Variants in FIG4 observed in about 807,000 individuals in gnomAD.
FIG4 encodes the protein FIG4 phosphoinositide 5-phosphatase.
Under a neutral mutation model 118.6 loss-of-function variants are expected in FIG4, and 112 were observed. The observed-to-expected ratio is 0.94, with a 90% CI of 0.81 to 1.11. FIG4 has a LOEUF of 1.11. Among genes scored for constraint, FIG4 ranks in the 50% least tolerant of loss-of-function variants. The pLI is 0.00. For missense variants in FIG4, 969 were observed against 1,111.7 expected, an observed-to-expected ratio of 0.87 and a Z score of 1.83; for synonymous variants, 369 against 381.2, an observed-to-expected ratio of 0.97 and a Z score of 0.37.
chr6:109,807,665 G>A (rs1778603838), intron 22 of FIG4, among the ~76,000 whole-genome samples: 1 of 152,104 alleles, frequency 6.6e-6, no homozygotes, highest in African/African-American at 2.4e-5. Flanking sequence ...TAGTGTTTTA[G>A]TCCTGAAGTG....
Position 109,825,104 on chromosome 6 carries a change from T to G in FIG4, c.2563T>G (p.Phe855Val). 1 of 1,613,990 alleles carries G rather than the reference T, an allele frequency of 6.2e-7. No homozygotes were observed. Among genetic ancestry groups the G allele is most frequent in the East Asian group, 2.2e-5 (1 of 44,874 alleles). The change falls in exon 23 of 23, where the codon TTC becomes GTC. Residue 855 changes from phenylalanine (F) to valine (V), a missense_variant. Around this residue, in one of 3 missense-constraint regions of FIG4, gnomAD observed 330 missense variants for 348.1 expected, o/e 0.95. Transcript: ENST00000230124. ...GVIKLTPISA[F>V]SQDNIYEVQP... Reference sequence around the variant, plus strand: ...CTTTTATAGAACACCCATCTCGGCTTTCTCGCAAGATAACATCTATGAAGT... The same window carrying G: ...CTTTTATAGAACACCCATCTCGGCTGTCTCGCAAGATAACATCTATGAAGT...
chr6:109,741,394 G>T, intron 7 of FIG4, 50 bp from the exon 8 acceptor site: 1 of 1,117,936 alleles, frequency 8.9e-7, no homozygotes, highest in Non-Finnish European at 1.4e-6. Flanking sequence ...GACTCTCTTG[G>T]TCTTATGTGA....
At chr6:109,815,495 G>GC (rs112617514) in intron 22 of FIG4, among the ~76,000 whole-genome samples, 7,738 of 89,068 alleles carry the variant, frequency 0.087, 705 homozygotes, top group East Asian at 0.28. Context: ...ACTCCAGGCT[G>GC]CCCCCCCCAC....
intron 22 of FIG4, among the ~76,000 whole-genome samples, chr6:109,797,658 A>G (rs1778323478): frequency 6.6e-6 from 1 of 152,006 alleles, no homozygotes; most frequent in Non-Finnish European, 1.5e-5. Context: ...CACTTTGAGA[A>G]GTTGAGATGG....
intron 5 of FIG4, among the ~76,000 whole-genome samples, chr6:109,733,659 A>G (rs1776075044): frequency 6.6e-6 from 1 of 152,100 alleles, no homozygotes; most frequent in Non-Finnish European, 1.5e-5. Flanking sequence ...GATTATTTTA[A>G]CAGAAATGGA....
chr6:109,734,944 A>G (rs1045096186), intron 5 of FIG4, among the ~76,000 whole-genome samples: 1 of 152,194 alleles, frequency 6.6e-6, no homozygotes, highest in Non-Finnish European at 1.5e-5. Context: ...AGTCATGCAG[A>G]TGCCTAGTCA....
At chr6:109,706,825 T>C (rs551953828) in intron 1 of FIG4, among the ~76,000 whole-genome samples, 71 of 152,306 alleles carry the variant, frequency 4.7e-4, no homozygotes, top group Admixed American at 2.0e-3. Context: ...AGAAGCCATT[T>C]TTTAAGTCCT....
chr6:109,705,821 C>A (rs1775050379), intron 1 of FIG4, among the ~76,000 whole-genome samples: 1 of 152,166 alleles, frequency 6.6e-6, no homozygotes, highest in African/African-American at 2.4e-5. Flanking sequence ...TTCACATATA[C>A]CCCCAAACCT....
chr6:109,821,492 A>G (rs990509291), intron 22 of FIG4, among the ~76,000 whole-genome samples: 1 of 152,330 alleles, frequency 6.6e-6, no homozygotes, highest in South Asian at 2.1e-4. Flanking sequence ...TAAAACAGAA[A>G]CATACTATTT....
intron 21 of FIG4, 102 bp from the exon 22 acceptor site, chr6:109,796,663 C>G: frequency 1.3e-6 from 1 of 788,048 alleles, no homozygotes; most frequent in East Asian, 2.4e-5. Context: ...CTGAAATAAG[C>G]ATACTACTGA....
At chr6:109,795,107 T>TG (rs1778244957) in intron 21 of FIG4, among the ~76,000 whole-genome samples, 14 of 24,258 alleles carry the variant, frequency 5.8e-4, no homozygotes, top group Middle Eastern at 0.024. Flanking sequence ...TTTTTTTTTT[T>TG]TTTTTTTTTT....
chr6:109,691,431 C>T lies in FIG4; in HGVS notation c.-5C>T. On this transcript the variant is annotated 5_prime_UTR_variant, in exon 1 of 23. Transcript: ENST00000230124. ...CCTGTTGTGGGGCCCCCATTTGCCG[C>T]CGCCATGCCCACGGCCGCCGCCCCC... The T allele has an allele frequency of 6.3e-7, 1 of 1,575,092 alleles. No homozygotes were observed. The highest frequency in any genetic ancestry group is 8.6e-7 in the Non-Finnish European group (1 of 1,160,074).
intron 10 of FIG4, among the ~76,000 whole-genome samples, chr6:109,751,903 A>G (rs1275987211): frequency 6.7e-6 from 1 of 148,936 alleles, no homozygotes; most frequent in African/African-American, 2.5e-5. Context: ...TTAGTTACAT[A>G]TGTATACATG....
chr6:109,732,563 A>G (rs1776034806), intron 4 of FIG4, 74 bp from the exon 5 acceptor site: 2 of 791,782 alleles, frequency 2.5e-6, no homozygotes, highest in Admixed American at 1.9e-5. Flanking sequence ...ATAAATGTAC[A>G]TATGGGTACA....
At chr6:109,778,298 TAAA>T (rs56412248) in intron 16 of FIG4, among the ~76,000 whole-genome samples, 1 of 140,524 alleles carries the variant, frequency 7.1e-6, no homozygotes. Context: ...CCATCTCTAC[TAAA>T]AAAAAAAAAA....
intron 22 of FIG4, among the ~76,000 whole-genome samples, chr6:109,800,951 C>T (rs1778410403): frequency 6.6e-6 from 1 of 152,162 alleles, no homozygotes; most frequent in Non-Finnish European, 1.5e-5. Flanking sequence ...ACTTGCTGTG[C>T]CTGGCAGGCA....
intron 16 of FIG4, among the ~76,000 whole-genome samples, chr6:109,780,993 A>G (rs1210790889): frequency 2.0e-5 from 3 of 152,210 alleles, no homozygotes; most frequent in Non-Finnish European, 4.4e-5. Context: ...TTAAGCATTA[A>G]TTATTTCATT....
intron 21 of FIG4, among the ~76,000 whole-genome samples, chr6:109,796,243 G>A (rs964065909): frequency 1.3e-5 from 2 of 152,162 alleles, no homozygotes; most frequent in African/African-American, 4.8e-5. Context: ...CTTGGTGGGG[G>A]GATTCTTGTG....
At position 109,721,072 on chromosome 6, in the gene FIG4, G is replaced by A. The variant is rs530034150; in HGVS notation, c.289+4504G>A. 9.9e-5 allele frequency among the ~76,000 whole-genome samples: 15 copies of A among 152,214 alleles called. 1 individual carries two copies. Among genetic ancestry groups the A allele is most frequent in the Middle Eastern group, 6.8e-3 (2 of 294 alleles). ...TTTCTGCCACTGTCGTCTGTCAGAC[G>A]ACACTCTTCTAAGCCTCTAGTATGT... is the stretch of plus-strand genomic sequence containing the variant. On this transcript the variant is annotated intron_variant, in intron 3 of 22. Coordinates refer to ENST00000230124, the MANE Select transcript of FIG4 (RefSeq NM_014845.6).
Sources: allele counts gnomAD v4.1 joint callset (sites outside exome capture counted in the v4.1 genomes callset), GRCh38; gene constraint gnomAD v4.1.1; regional missense constraint gnomAD v4.1.1; transcripts MANE v1.5; gene names NCBI Gene and HGNC (gene_info 2026-07-23, HGNC 2026-07-21).